The following SNTB1 variants were observed in gnomAD, a reference collection of about 807,000 sequenced individuals.
SNTB1 encodes the protein syntrophin beta 1.
In SNTB1, 36 loss-of-function variants were observed where a neutral mutation model predicts 48.9. The ratio of observed to expected loss-of-function variants is 0.74; its 90% CI spans 0.56 to 0.97. The LOEUF (loss-of-function observed/expected upper bound fraction) is 0.97, where lower values mean the gene tolerates loss of function less well. Ranked by LOEUF, SNTB1 falls within the 50% of genes least tolerant of loss-of-function variation. The pLI is 0.00. For synonymous variants in SNTB1, 299 were observed against 294.6 expected, an observed-to-expected ratio of 1.01 and a Z score of -0.15; for missense variants, 786 against 703.4, an observed-to-expected ratio of 1.12 and a Z score of -1.33.
chr8:120,760,313 A>C (rs952086803), intron 1 of SNTB1, among the ~76,000 whole-genome samples: 1 of 151,120 alleles, frequency 6.6e-6, no homozygotes, highest in Non-Finnish European at 1.5e-5. Flanking sequence ...AAAAAAAAAA[A>C]CCCTGAAAAT....
intron 2 of SNTB1, among the ~76,000 whole-genome samples, chr8:120,659,881 T>C (rs1001821065): frequency 2.0e-5 from 3 of 152,198 alleles, no homozygotes; most frequent in Admixed American, 6.5e-5. Context: ...AAAACAACAT[T>C]AATCTCCTTG....
At chr8:120,639,009 A>AGT (rs1817136588) in intron 2 of SNTB1, among the ~76,000 whole-genome samples, 1 of 152,242 alleles carries the variant, frequency 6.6e-6, no homozygotes, top group Non-Finnish European at 1.5e-5. Context: ...TCCTACCAAC[A>AGT]GTATAAAAGT....
intron 3 of SNTB1, among the ~76,000 whole-genome samples, chr8:120,601,250 A>T (rs1816417429): frequency 1.3e-5 from 2 of 151,118 alleles, no homozygotes; most frequent in Admixed American, 1.3e-4. Context: ...TGGTCAGCAT[A>T]GGGGGAGGGG....
chr8:120,549,670 AAAG>A (rs1339352282), intron 4 of SNTB1, among the ~76,000 whole-genome samples: 1 of 152,252 alleles, frequency 6.6e-6, no homozygotes, highest in African/African-American at 2.4e-5. Flanking sequence ...GCCAGACTTG[AAAG>A]AAGAAGAATC....
intron 1 of SNTB1, among the ~76,000 whole-genome samples, chr8:120,803,686 A>C (rs970820048): frequency 6.6e-6 from 1 of 152,202 alleles, no homozygotes; most frequent in East Asian, 1.9e-4. Flanking sequence ...CTGAACATGA[A>C]GAGCATTTCC....
chr8:120,542,050 A>G (rs770305835), intron 5 of SNTB1, 50 bp from the exon 6 acceptor site: 10 of 1,486,602 alleles, frequency 6.7e-6, no homozygotes, highest in Non-Finnish European at 8.2e-6. Flanking sequence ...CATGGCAATC[A>G]ATCCATTTTC....
At chr8:120,668,686 T>G (rs1817712830) in intron 2 of SNTB1, among the ~76,000 whole-genome samples, 1 of 152,186 alleles carries the variant, frequency 6.6e-6, no homozygotes, top group South Asian at 2.1e-4. Flanking sequence ...GGTCTGTATA[T>G]TATCCATGCT....
chr8:120,720,505 A>G (rs575743003), intron 1 of SNTB1, among the ~76,000 whole-genome samples: 20 of 152,310 alleles, frequency 1.3e-4, no homozygotes, highest in South Asian at 8.3e-4. Context: ...ACTATTGAAC[A>G]TTCAATTACT....
At chr8:120,607,011 A>T (rs1221680226) in intron 3 of SNTB1, among the ~76,000 whole-genome samples, 2 of 152,174 alleles carry the variant, frequency 1.3e-5, no homozygotes, top group Non-Finnish European at 2.9e-5. Context: ...AGATGAGAAG[A>T]CTGTATCCCT....
At chr8:120,636,050 C>A (rs913178051) in intron 2 of SNTB1, 6 of 817,758 alleles carry the variant, frequency 7.3e-6, no homozygotes, top group Middle Eastern at 4.3e-4. Flanking sequence ...GAACTCAAGG[C>A]TTTTTTTTTT....
At chr8:120,732,916 G>A (rs1244300591) in intron 1 of SNTB1, among the ~76,000 whole-genome samples, 1 of 152,202 alleles carries the variant, frequency 6.6e-6, no homozygotes, top group African/African-American at 2.4e-5. Flanking sequence ...AGCCAACTCT[G>A]CCTGTCTATG....
intron 2 of SNTB1, among the ~76,000 whole-genome samples, chr8:120,665,243 G>A (rs1817656200): frequency 6.6e-6 from 1 of 152,108 alleles, no homozygotes; most frequent in African/African-American, 2.4e-5. Flanking sequence ...CTTGAGGTCA[G>A]GAGTTCAAGA....
At chr8:120,787,249 T>C (rs1481060562) in intron 1 of SNTB1, among the ~76,000 whole-genome samples, 1 of 151,946 alleles carries the variant, frequency 6.6e-6, no homozygotes, top group Non-Finnish European at 1.5e-5. Context: ...TTTAAAATAA[T>C]TAGATGAAAT....
intron 1 of SNTB1, among the ~76,000 whole-genome samples, chr8:120,758,053 C>T (rs762795189): frequency 1.8e-4 from 28 of 152,022 alleles, no homozygotes; most frequent in Middle Eastern, 3.4e-3. Context: ...AAGTAATAAA[C>T]GTAAAAACAA....
At chr8:120,752,309 A>G (rs548463702) in intron 1 of SNTB1, among the ~76,000 whole-genome samples, 5 of 152,206 alleles carry the variant, frequency 3.3e-5, no homozygotes, top group Non-Finnish European at 7.4e-5. Flanking sequence ...TTTCATACCT[A>G]TTATATATGT....
At chr8:120,767,420 C>G (rs1270683586) in intron 1 of SNTB1, among the ~76,000 whole-genome samples, 1 of 152,180 alleles carries the variant, frequency 6.6e-6, no homozygotes, top group Non-Finnish European at 1.5e-5. Context: ...TGTTCATACA[C>G]ACACCATGCA....
chr8:120,658,813 C>A (rs182950311), intron 2 of SNTB1, among the ~76,000 whole-genome samples: 45 of 152,274 alleles, frequency 3.0e-4, no homozygotes, highest in African/African-American at 8.9e-4. Context: ...AAGTCTGCCA[C>A]ATCAATTGAC....
intron 1 of SNTB1, among the ~76,000 whole-genome samples, chr8:120,787,268 TA>T (rs1251483864): frequency 6.6e-6 from 1 of 151,722 alleles, no homozygotes; most frequent in Non-Finnish European, 1.5e-5. Flanking sequence ...ATAGTTTACC[TA>T]AAAAAGAAAA....
chr8:120,742,521 C>T (rs184288853), intron 1 of SNTB1, among the ~76,000 whole-genome samples: 16 of 152,280 alleles, frequency 1.1e-4, no homozygotes, highest in African/African-American at 3.6e-4. Flanking sequence ...CTGAGCATCC[C>T]TGTCTCAGCT....
Sources: allele counts gnomAD v4.1 joint callset (sites outside exome capture counted in the v4.1 genomes callset), GRCh38; gene constraint gnomAD v4.1.1; transcripts MANE v1.5; gene names NCBI Gene and HGNC (gene_info 2026-07-23, HGNC 2026-07-21).